RAB38: variants seen among roughly 807,000 people sequenced by gnomAD.
RAB38 encodes the protein ras-related protein Rab-38.
In RAB38, 15 loss-of-function variants were observed where a neutral mutation model predicts 18.4. The ratio of observed to expected loss-of-function variants is 0.82; its 90% confidence interval spans 0.55 to 1.26. The LOEUF (loss-of-function observed/expected upper bound fraction) is 1.26, where lower values mean the gene tolerates loss of function less well. RAB38 is among the 50% of genes most tolerant of loss of function. The pLI, the probability that RAB38 is intolerant of heterozygous loss-of-function variation, is 0.00. For synonymous variants in RAB38, 101 were observed against 104.4 expected, an observed-to-expected ratio of 0.97 and a Z score of 0.20; for missense variants, 294 against 267.4, an observed-to-expected ratio of 1.10 and a Z score of -0.69.
chr11:87,837,499 T>G, the RAB38 span, among the ~76,000 whole-genome samples: 1 of 152,180 alleles, frequency 6.6e-6, no homozygotes, highest in African/African-American at 2.4e-5. Flanking sequence ...CCATAAGTAT[T>G]AAGCAAAAGA....
At chr11:88,139,011 C>G (rs1013857972) in intron 2 of RAB38, among the ~76,000 whole-genome samples, 2 of 152,126 alleles carry the variant, frequency 1.3e-5, no homozygotes, top group African/African-American at 4.8e-5. Context: ...GTCTCGATCT[C>G]CTGACCTCAT....
chr11:87,813,801 C>A, the RAB38 span, among the ~76,000 whole-genome samples: 1 of 152,050 alleles, frequency 6.6e-6, no homozygotes, highest in Admixed American at 6.5e-5. Context: ...AATCGTATGA[C>A]GGTGGTGGCT....
the RAB38 span, among the ~76,000 whole-genome samples, chr11:88,022,792 T>C: frequency 9.9e-5 from 15 of 152,140 alleles, no homozygotes; most frequent in African/African-American, 3.4e-4. Context: ...CAGTCTATAG[T>C]TGATGGGCAT....
At chr11:88,058,492 T>C in the RAB38 span, among the ~76,000 whole-genome samples, 3 of 152,200 alleles carry the variant, frequency 2.0e-5, no homozygotes, top group African/African-American at 7.2e-5. Context: ...TTGATCTGCA[T>C]AATTGATGAC....
the RAB38 span, among the ~76,000 whole-genome samples, chr11:87,864,579 C>T: frequency 6.6e-6 from 1 of 151,532 alleles, no homozygotes; most frequent in East Asian, 2.0e-4. Context: ...ACTTTTTTGA[C>T]AGCAAATGTA....
the RAB38 span, among the ~76,000 whole-genome samples, chr11:88,016,634 T>C: frequency 2.0e-5 from 3 of 152,082 alleles, no homozygotes; most frequent in Non-Finnish European, 4.4e-5. Flanking sequence ...TACTTATAGA[T>C]GACCTATCAA....
At chr11:88,080,593 TA>T in the RAB38 span, among the ~76,000 whole-genome samples, 11 of 150,664 alleles carry the variant, frequency 7.3e-5, no homozygotes, top group South Asian at 2.1e-4. Flanking sequence ...TCCAAACAAT[TA>T]AAAAAAAAGT....
chr11:87,814,450 ATG>A, the RAB38 span, among the ~76,000 whole-genome samples: 25 of 152,224 alleles, frequency 1.6e-4, no homozygotes, highest in Admixed American at 3.9e-4. Context: ...TAAATATACT[ATG>A]TACAATTAAG....
chr11:88,012,863 T>A, the RAB38 span, among the ~76,000 whole-genome samples: 2 of 152,186 alleles, frequency 1.3e-5, no homozygotes, highest in Admixed American at 6.6e-5. Context: ...AATTGATTTT[T>A]AAAAAAGCTC....
the RAB38 span, among the ~76,000 whole-genome samples, chr11:88,043,807 G>T: frequency 6.6e-6 from 1 of 152,118 alleles, no homozygotes; most frequent in African/African-American, 2.4e-5. Context: ...GTGAAATTTT[G>T]GCGCCATGGC....
the RAB38 span, among the ~76,000 whole-genome samples, chr11:87,869,271 C>T: frequency 1.3e-5 from 2 of 151,452 alleles, no homozygotes; most frequent in African/African-American, 2.4e-5. Flanking sequence ...CTGGGATAAG[C>T]GTTTAACATC....
At chr11:88,065,085 G>C in the RAB38 span, among the ~76,000 whole-genome samples, 2 of 152,058 alleles carry the variant, frequency 1.3e-5, no homozygotes, top group Admixed American at 1.3e-4. Flanking sequence ...ACCTCTGTCA[G>C]GGCCAGCATT....
At chr11:88,025,102 G>C in the RAB38 span, among the ~76,000 whole-genome samples, 1 of 151,766 alleles carries the variant, frequency 6.6e-6, no homozygotes, top group African/African-American at 2.4e-5. Context: ...CATATTGTAT[G>C]CCTCAACCAA....
chr11:88,119,829 T>C (rs1337409876), intron 2 of RAB38, among the ~76,000 whole-genome samples: 2 of 152,092 alleles, frequency 1.3e-5, no homozygotes, highest in African/African-American at 4.8e-5. Flanking sequence ...TCCCCAGCCC[T>C]GTGAAATTTT....
chr11:88,117,862 T>C (rs573981405), intron 2 of RAB38, among the ~76,000 whole-genome samples: 1 of 152,340 alleles, frequency 6.6e-6, no homozygotes, highest in South Asian at 2.1e-4. Context: ...AGGCATACAG[T>C]ACACATTCAA....
the RAB38 span, among the ~76,000 whole-genome samples, chr11:88,046,100 C>T: frequency 1.3e-5 from 2 of 152,148 alleles, no homozygotes; most frequent in Non-Finnish European, 2.9e-5. Context: ...CCTCTACTCC[C>T]TCCTTGGTGA....
intron 2 of RAB38, among the ~76,000 whole-genome samples, chr11:88,130,987 AT>A (rs1942761141): frequency 6.6e-6 from 1 of 152,202 alleles, no homozygotes; most frequent in African/African-American, 2.4e-5. Flanking sequence ...GAACATAAAA[AT>A]GTCCATTCCC....
At chr11:87,811,716 AG>A in the RAB38 span, among the ~76,000 whole-genome samples, 3 of 152,134 alleles carry the variant, frequency 2.0e-5, no homozygotes, top group African/African-American at 7.2e-5. Context: ...TTTAAATTCC[AG>A]GGGAAAGAAA....
At chr11:87,876,057 T>C in the RAB38 span, among the ~76,000 whole-genome samples, 40,769 of 151,458 alleles carry the variant, frequency 0.27, 7,515 homozygotes, top group African/African-American at 0.53. Flanking sequence ...AGAATTGAAC[T>C]TAGGAAGTTT....
Sources: allele counts gnomAD v4.1 joint callset (sites outside exome capture counted in the v4.1 genomes callset), GRCh38; gene constraint gnomAD v4.1.1; transcripts MANE v1.5; gene names NCBI Gene and HGNC (gene_info 2026-07-23, HGNC 2026-07-21).